The following WDR76 variants were observed in gnomAD, a reference collection of about 807,000 sequenced individuals.
WDR76 encodes WD repeat domain 76, also known as WD repeat-containing protein 76.
WDR76 carries 52 observed loss-of-function variants against 70.2 expected under a neutral mutation model. That is an observed-to-expected ratio of 0.74 (90% CI 0.59 to 0.93). The LOEUF (loss-of-function observed/expected upper bound fraction) is 0.93, where lower values mean the gene tolerates loss of function less well. WDR76 is among the 40% of genes least tolerant of loss of function. The pLI is 0.00. For synonymous variants in WDR76, 292 were observed against 271.1 expected (o/e 1.08, Z -0.76); for missense variants, 756 against 760.2 (o/e 0.99, Z 0.07).
chr15:43,851,733 A>C (rs927777367), intron 9 of WDR76, among the ~76,000 whole-genome samples: 1 of 152,228 alleles, frequency 6.6e-6, no homozygotes, highest in Admixed American at 6.5e-5. Context: ...CAGGAGTTCC[A>C]GACCAGCCTG....
intron 11 of WDR76, among the ~76,000 whole-genome samples, chr15:43,859,573 C>A (rs369649816): frequency 1.3e-5 from 2 of 152,154 alleles, no homozygotes; most frequent in African/African-American, 4.8e-5. Context: ...TTAAACCCAC[C>A]TGATGGGAAG....
intron 9 of WDR76, among the ~76,000 whole-genome samples, chr15:43,853,526 A>G (rs566849482): frequency 1.4e-4 from 22 of 152,178 alleles, no homozygotes; most frequent in Non-Finnish European, 2.4e-4. Context: ...CTTTAAAACA[A>G]TAGGTGGAGA....
Position 43,827,075 on chromosome 15 carries a change from C to G in WDR76, c.43C>G (p.Gln15Glu). Residue 15 changes from glutamine (Q) to glutamate (E), a missense_variant, in exon 1 of 13, where the codon CAG becomes GAG. Physicochemically the swap from Gln to Glu is conservative, Grantham distance 29. Transcript: ENST00000263795. ...GGCGGCTGAGAAGGCGGACTCCAGA[C>G]AGCGACCCCAGATGAAGGTGAGAAA... The part of the protein sequence containing the change: ...GAAAEKADSR[Q>E]RPQMKVNEYK... 3 of 1,613,950 alleles carry G rather than the reference C, an allele frequency of 1.9e-6. No homozygotes were observed. The highest frequency in any genetic ancestry group is 1.3e-5 in the African/African-American group (1 of 74,944).
At chr15:43,864,686 CTGGGTT>C (rs2088047554) in intron 12 of WDR76, among the ~76,000 whole-genome samples, 1 of 151,884 alleles carries the variant, frequency 6.6e-6, no homozygotes, top group African/African-American at 2.4e-5. Flanking sequence ...CCTCCGCCTC[CTGGGTT>C]CAAGCAGTTC....
chr15:43,862,154 C>T (rs1369888857), intron 12 of WDR76, among the ~76,000 whole-genome samples: 1 of 151,742 alleles, frequency 6.6e-6, no homozygotes, highest in Non-Finnish European at 1.5e-5. Context: ...GTGTATTTTA[C>T]ATCAAACTTT....
chr15:43,830,983 G>C (rs1160458790), intron 2 of WDR76, among the ~76,000 whole-genome samples: 1 of 152,050 alleles, frequency 6.6e-6, no homozygotes, highest in African/African-American at 2.4e-5. Flanking sequence ...AGGAGGTAGA[G>C]GTTGCAGTGA....
chr15:43,830,568 A>G (rs2087575384), intron 2 of WDR76, among the ~76,000 whole-genome samples: 1 of 151,540 alleles, frequency 6.6e-6, no homozygotes, highest in African/African-American at 2.4e-5. Flanking sequence ...GTCTCAAAAA[A>G]AAAAAAAAAA....
chr15:43,844,389 G>A (rs963005709), intron 8 of WDR76, among the ~76,000 whole-genome samples: 1 of 151,956 alleles, frequency 6.6e-6, no homozygotes, highest in Non-Finnish European at 1.5e-5. Context: ...AGGCTGAGGC[G>A]GTCGGATCAC....
chr15:43,861,427 A>T, intron 12 of WDR76, 41 bp downstream of exon 12: 1 of 1,555,398 alleles, frequency 6.4e-7, no homozygotes, highest in South Asian at 1.1e-5. Flanking sequence ...GTGGATTACT[A>T]TGAACTATTT....
rs5812253 is a variant in WDR76, at chr15:43,866,622, CTTTTTTT to C, written c.*245_*251del. ...AGGGGAGGCTGAGGTGCCGTCAGGACTTTTTTTTTTTTTTTTTTTTTGAGATGGAGTT... is the reference window on the plus strand; with the variant it reads ...AGGGGAGGCTGAGGTGCCGTCAGGACTTTTTTTTTTTTTTGAGATGGAGTT... On this transcript the variant is annotated 3_prime_UTR_variant, in exon 13 of 13. Transcript: ENST00000263795. The C allele has an allele frequency of 1.8e-4, 23 of 124,650 alleles. No homozygotes were observed. Among genetic ancestry groups the C allele is most frequent in the East Asian group, 5.0e-4 (3 of 6,056 alleles). The allele number at this position is 124,650 out of a possible 1,614,324, so 7.7% of individuals were successfully genotyped here. A position where few individuals can be genotyped will look rare whatever the true frequency, so the allele number is the denominator to read the frequency against.
chr15:43,829,077 T>C (rs2087555031), intron 2 of WDR76, among the ~76,000 whole-genome samples: 1 of 146,892 alleles, frequency 6.8e-6, no homozygotes, highest in African/African-American at 2.4e-5. Flanking sequence ...TAATTTTGTG[T>C]TTTTAGTAGA....
intron 1 of WDR76, among the ~76,000 whole-genome samples, chr15:43,827,410 C>A (rs749693837): frequency 2.6e-4 from 39 of 152,120 alleles, no homozygotes; most frequent in Non-Finnish European, 4.4e-5. Flanking sequence ...AAATGCTAGT[C>A]ATTATTATTA....
intron 10 of WDR76, 105 bp downstream of exon 10, chr15:43,857,268 A>AC: frequency 1.7e-6 from 2 of 1,187,506 alleles, no homozygotes; most frequent in Non-Finnish European, 2.3e-6. Flanking sequence ...AAAAGGTATT[A>AC]CTTTTGTAAT....
intron 2 of WDR76, among the ~76,000 whole-genome samples, chr15:43,832,228 A>G (rs185404349): frequency 2.3e-3 from 351 of 151,304 alleles, no homozygotes; most frequent in Non-Finnish European, 4.4e-3. Context: ...TCCCCTCTGC[A>G]TGCTTTTAAG....
At chr15:43,829,197 G>A (rs932273940) in intron 2 of WDR76, among the ~76,000 whole-genome samples, 1 of 152,098 alleles carries the variant, frequency 6.6e-6, no homozygotes, top group African/African-American at 2.4e-5. Flanking sequence ...ACTGCGCCCA[G>A]CCTGGTCTGT....
chr15:43,827,767 G>A (rs1241435973), intron 1 of WDR76, among the ~76,000 whole-genome samples, 198 bp from the exon 2 acceptor site: 2 of 152,064 alleles, frequency 1.3e-5, no homozygotes, highest in East Asian at 1.9e-4. Flanking sequence ...GGATGGTCTC[G>A]ATCTCCTGAC....
intron 2 of WDR76, among the ~76,000 whole-genome samples, chr15:43,833,704 T>G (rs545208073): frequency 2.1e-4 from 32 of 151,964 alleles, no homozygotes; most frequent in African/African-American, 7.5e-4. Flanking sequence ...TGGCATGATC[T>G]GGGTTCACTG....
At chr15:43,864,244 T>C (rs1595456809) in intron 12 of WDR76, among the ~76,000 whole-genome samples, 2 of 152,366 alleles carry the variant, frequency 1.3e-5, no homozygotes, top group East Asian at 3.9e-4. Context: ...ATCTCATAGA[T>C]AGTTCATTTC....
At chr15:43,854,107 T>C (rs895705136) in intron 9 of WDR76, among the ~76,000 whole-genome samples, 4 of 152,120 alleles carry the variant, frequency 2.6e-5, no homozygotes, top group African/African-American at 7.2e-5. Context: ...AGAATTGGTA[T>C]GTGAAATGGT....
Sources: allele counts gnomAD v4.1 joint callset (sites outside exome capture counted in the v4.1 genomes callset), GRCh38; gene constraint gnomAD v4.1.1; transcripts MANE v1.5; gene names NCBI Gene and HGNC (gene_info 2026-07-23, HGNC 2026-07-21).